FAM117B: variants seen among roughly 807,000 people sequenced by gnomAD.
FAM117B encodes protein FAM117B.
Under a neutral mutation model 52.8 loss-of-function variants are expected in FAM117B, and 22 were observed. The ratio of observed to expected loss-of-function variants is 0.42; its 90% CI spans 0.30 to 0.59. The LOEUF (loss-of-function observed/expected upper bound fraction) is 0.59, where lower values mean the gene tolerates loss of function less well. Ranked by LOEUF, FAM117B falls within the 20% of genes least tolerant of loss-of-function variation. The pLI is 0.22. For synonymous variants in FAM117B, 309 were observed against 324.1 expected, an observed-to-expected ratio of 0.95 and a Z score of 0.50; for missense variants, 678 against 802.6, an observed-to-expected ratio of 0.84 and a Z score of 1.88.
chr2:202,662,298 C>G (rs1690142464), intron 1 of FAM117B, among the ~76,000 whole-genome samples: 1 of 152,064 alleles, frequency 6.6e-6, no homozygotes, highest in African/African-American at 2.4e-5. Flanking sequence ...GAAATACAAA[C>G]ACCACATGAT....
chr2:202,743,726 A>C (rs1463288843), intron 4 of FAM117B, among the ~76,000 whole-genome samples: 1 of 152,228 alleles, frequency 6.6e-6, no homozygotes, highest in African/African-American at 2.4e-5. Flanking sequence ...GGAGCTGAAG[A>C]AATCAAAGAA....
chr2:202,665,610 G>A (rs1288186479), intron 1 of FAM117B, among the ~76,000 whole-genome samples: 1 of 151,604 alleles, frequency 6.6e-6, no homozygotes, highest in Non-Finnish European at 1.5e-5. Context: ...TCTTTTTGTT[G>A]TTGTTGTTGA....
At chr2:202,722,358 A>G (rs919169919) in intron 2 of FAM117B, among the ~76,000 whole-genome samples, 1 of 152,168 alleles carries the variant, frequency 6.6e-6, no homozygotes, top group Non-Finnish European at 1.5e-5. Flanking sequence ...ACACCAACAT[A>G]TGTGATTCTG....
chr2:202,635,315 T>TGAAGCA lies in FAM117B; in HGVS notation c.130_135dup (p.Lys44_Gln45dup). 1 of 1,409,176 alleles carries TGAAGCA rather than the reference T, an allele frequency of 7.1e-7. No individual in the cohort carries two copies. Among genetic ancestry groups the TGAAGCA allele is most frequent in the South Asian group, 1.5e-5 (1 of 68,616 alleles). 87.3% of individuals were successfully genotyped at this position (1,409,176 alleles called of 1,614,324 possible). A position where few individuals can be genotyped will look rare whatever the true frequency, so the allele number is the denominator to read the frequency against. ...ATGAGGGCGACGGTTCCGTTCCAGC[T>TGAAGCA]GAAGCAGCAGCAGCAGCAGCAACAT... On this transcript the variant is annotated inframe_insertion, in exon 1 of 8. Transcript: ENST00000392238.
intron 1 of FAM117B, among the ~76,000 whole-genome samples, chr2:202,685,159 A>G (rs577207870): frequency 4.6e-4 from 70 of 151,822 alleles, no homozygotes; most frequent in Non-Finnish European, 9.9e-4. Context: ...ATATTTTTGT[A>G]TTTTTAGTAG....
Position 202,757,298 on chromosome 2 carries a change from C to A in FAM117B, c.1190C>A (p.Pro397His). The A allele has an allele frequency of 5.6e-6, 9 of 1,614,154 alleles. No homozygotes were observed. The highest frequency in any genetic ancestry group is 6.8e-6 in the Non-Finnish European group (8 of 1,180,038). ...SSTRSIDTQTPGGADRGSNNS... is the reference protein window; with the variant it reads ...SSTRSIDTQTHGGADRGSNNS... ...ACGCGCAGCATTGACACACAGACGC[C>A]TGGTGGGGCAGACAGGGGAAGCAAC... Residue 397 changes from proline to histidine, a missense_variant, in exon 6 of 8, where the codon CCT becomes CAT. By Grantham distance (77) the Pro-to-His change is moderately conservative. Transcript: ENST00000392238.
chr2:202,764,665 T>G (rs1477087689), intron 7 of FAM117B, among the ~76,000 whole-genome samples: 1 of 152,214 alleles, frequency 6.6e-6, no homozygotes. Flanking sequence ...ATTTCTGTGT[T>G]GCTTTAACAA....
At chr2:202,699,286 G>T (rs2105778038) in intron 2 of FAM117B, among the ~76,000 whole-genome samples, 1 of 151,450 alleles carries the variant, frequency 6.6e-6, no homozygotes. Context: ...AATTAGCCAG[G>T]CGTGGTGGCG....
rs1690536663 is a variant in FAM117B, at chr2:202,686,304, ATTG to A, written c.602-9573_602-9571del. Among the ~76,000 whole-genome samples the A allele has an allele frequency of 2.6e-5, 4 of 152,330 alleles. No homozygotes were observed. In the South Asian group the frequency reaches 8.3e-4, roughly 32 times the overall value. ...AGTGGAACAACTGGAGCTGTAATGCATTGTTGGTGGGAATGTACACTGGGTACA... is the reference window on the plus strand; with the variant it reads ...AGTGGAACAACTGGAGCTGTAATGCATTGGTGGGAATGTACACTGGGTACA... On this transcript the variant is annotated intron_variant, in intron 1 of 7. Coordinates refer to ENST00000392238, the MANE Select transcript of FAM117B (RefSeq NM_173511.4).
At chr2:202,649,709 A>G (rs1159594782) in intron 1 of FAM117B, among the ~76,000 whole-genome samples, 2 of 151,726 alleles carry the variant, frequency 1.3e-5, no homozygotes, top group Non-Finnish European at 2.9e-5. Flanking sequence ...GCGCCACCAC[A>G]CTGGGCTAAT....
chr2:202,696,824 G>C (rs1209321265), intron 2 of FAM117B, among the ~76,000 whole-genome samples: 1 of 152,196 alleles, frequency 6.6e-6, no homozygotes, highest in Non-Finnish European at 1.5e-5. Context: ...CCAGCACTTT[G>C]GGAGGCCGAG....
chr2:202,725,482 C>A (rs763628224), intron 3 of FAM117B, among the ~76,000 whole-genome samples: 20 of 152,002 alleles, frequency 1.3e-4, no homozygotes, highest in Non-Finnish European at 2.4e-4. Context: ...TCATGGCCAG[C>A]TAATTTTTGT....
intron 1 of FAM117B, among the ~76,000 whole-genome samples, chr2:202,691,067 A>G (rs1411053071): frequency 4.6e-5 from 7 of 152,172 alleles, no homozygotes; most frequent in Admixed American, 4.6e-4. Flanking sequence ...CAAAGATAAA[A>G]TGTTCAGCAT....
chr2:202,648,688 T>C (rs1281109174), intron 1 of FAM117B, among the ~76,000 whole-genome samples: 2 of 152,082 alleles, frequency 1.3e-5, no homozygotes, highest in Non-Finnish European at 2.9e-5. Flanking sequence ...TGATGCTAGG[T>C]TGAATATTCT....
intron 1 of FAM117B, among the ~76,000 whole-genome samples, chr2:202,666,993 T>C (rs1391797965): frequency 6.6e-6 from 1 of 152,014 alleles, no homozygotes; most frequent in Non-Finnish European, 1.5e-5. Context: ...ATCTGTGTTG[T>C]AGCAGTGATT....
At chr2:202,725,915 A>T (rs1042341067) in intron 3 of FAM117B, among the ~76,000 whole-genome samples, 1 of 152,232 alleles carries the variant, frequency 6.6e-6, no homozygotes, top group Non-Finnish European at 1.5e-5. Flanking sequence ...ATAAATCTAA[A>T]TTGAAATAAA....
chr2:202,694,323 T>C (rs1690677125), intron 1 of FAM117B, among the ~76,000 whole-genome samples: 1 of 151,782 alleles, frequency 6.6e-6, no homozygotes, highest in Non-Finnish European at 1.5e-5. Context: ...CCTCGGTAGC[T>C]GGGATTACAG....
intron 2 of FAM117B, among the ~76,000 whole-genome samples, chr2:202,720,428 C>T (rs59429929): frequency 0.41 from 43,060 of 103,852 alleles, 6,662 homozygotes; most frequent in African/African-American, 0.53. Flanking sequence ...TGTGTGTGTG[C>T]GCTGCAATTT....
chr2:202,680,336 G>C (rs1259945494), intron 1 of FAM117B, among the ~76,000 whole-genome samples: 1 of 152,052 alleles, frequency 6.6e-6, no homozygotes, highest in Non-Finnish European at 1.5e-5. Flanking sequence ...GAGTTAATGG[G>C]TGCAGCACAC....
Sources: gnomAD v4.1 joint callset for allele counts (sites outside exome capture counted in the v4.1 genomes callset) on GRCh38, gnomAD v4.1.1 for gene constraint, MANE v1.5 for transcripts, NCBI Gene and HGNC (gene_info 2026-07-23, HGNC 2026-07-21) for gene names.